Variants in SEMA6D observed in about 807,000 individuals in gnomAD.
SEMA6D encodes semaphorin 6D.
A neutral mutation model predicts 106.6 loss-of-function variants in SEMA6D; 35 were observed. That is an observed-to-expected ratio of 0.33 (90% confidence interval 0.25 to 0.44). The LOEUF is 0.44. Among genes scored for constraint, SEMA6D ranks in the 20% least tolerant of loss-of-function variants. The pLI is 1.00. For missense variants in SEMA6D, 1,185 were observed against 1,345.9 expected, an observed-to-expected ratio of 0.88 and a Z score of 1.87; for synonymous variants, 499 against 487.7, an observed-to-expected ratio of 1.02 and a Z score of -0.31.
chr15:47,665,490 TGGACAAAA>T (rs1194923181), intron 4 of SEMA6D, among the ~76,000 whole-genome samples: 4 of 152,202 alleles, frequency 2.6e-5, no homozygotes, highest in African/African-American at 9.6e-5. Flanking sequence ...AGACTTGGGC[TGGACAAAA>T]TACATTCAGT....
At chr15:47,721,748 CAT>C (rs1803927536) in intron 1 of SEMA6D, among the ~76,000 whole-genome samples, 1 of 152,198 alleles carries the variant, frequency 6.6e-6, no homozygotes, top group African/African-American at 2.4e-5. Context: ...ACAGATACCA[CAT>C]GAGGTGTACT....
intron 1 of SEMA6D, among the ~76,000 whole-genome samples, chr15:47,718,254 G>T (rs1421117817): frequency 6.6e-6 from 1 of 152,212 alleles, no homozygotes; most frequent in Non-Finnish European, 1.5e-5. Flanking sequence ...CAGAGCGGAC[G>T]CTGGGACGCC....
intron 3 of SEMA6D, among the ~76,000 whole-genome samples, chr15:47,592,704 A>C (rs1011096271): frequency 6.6e-6 from 1 of 152,212 alleles, no homozygotes; most frequent in Non-Finnish European, 1.5e-5. Flanking sequence ...GCCCTTCATG[A>C]AAATCATGAA....
intron 3 of SEMA6D, among the ~76,000 whole-genome samples, chr15:47,503,689 T>TCACACATA (rs2043937203): frequency 6.7e-6 from 1 of 148,594 alleles, no homozygotes; most frequent in South Asian, 2.2e-4. Context: ...TCTCTCTCTG[T>TCACACATA]CACACACACA....
At chr15:47,255,392 T>C (rs979346639) in intron 1 of SEMA6D, among the ~76,000 whole-genome samples, 1 of 152,066 alleles carries the variant, frequency 6.6e-6, no homozygotes, top group African/African-American at 2.4e-5. Flanking sequence ...AAAGAAAAAC[T>C]CTGTTTCATT....
At chr15:47,472,301 T>C (rs113618609) in intron 3 of SEMA6D, among the ~76,000 whole-genome samples, 2,372 of 152,306 alleles carry the variant, frequency 0.016, 46 homozygotes, top group African/African-American at 0.036. Flanking sequence ...TTTAAAACGG[T>C]TGCCCAGAAT....
intron 8 of SEMA6D, 150 bp from the exon 9 acceptor site, chr15:47,762,866 T>G: frequency 5.1e-6 from 3 of 582,592 alleles, no homozygotes; most frequent in Non-Finnish European, 6.0e-6. Flanking sequence ...AACACACCCA[T>G]ATTGGGACTC....
At chr15:47,571,368 G>A (rs1335932863) in intron 3 of SEMA6D, among the ~76,000 whole-genome samples, 2 of 152,212 alleles carry the variant, frequency 1.3e-5, no homozygotes, top group Non-Finnish European at 2.9e-5. Flanking sequence ...TCAAGTGGCT[G>A]CCATGGCCAT....
intron 1 of SEMA6D, among the ~76,000 whole-genome samples, chr15:47,234,555 A>AT (rs1409977915): frequency 1.3e-5 from 2 of 151,850 alleles, no homozygotes; most frequent in African/African-American, 4.8e-5. Flanking sequence ...ATGACTTTGC[A>AT]TACCCATAGC....
intron 4 of SEMA6D, among the ~76,000 whole-genome samples, chr15:47,610,706 A>C (rs1253101949): frequency 6.6e-6 from 1 of 152,188 alleles, no homozygotes; most frequent in African/African-American, 2.4e-5. Context: ...TCTTAATATA[A>C]GTAGCAATAC....
rs1228524674 is a variant in SEMA6D at position 47,768,724 on chromosome 15, G to T, written c.1909G>T (p.Asp637Tyr). The T allele has an allele frequency of 8.7e-6, 14 of 1,613,170 alleles. No homozygotes were observed. In the East Asian group the frequency reaches 3.1e-4, roughly 36 times the overall value. Reference sequence around the variant, plus strand: ...TGATCCAAACACTTCTGATTTTACTGATCCTTTATCGGGTATCCCAAAGGG... The same window carrying T: ...TGATCCAAACACTTCTGATTTTACTTATCCTTTATCGGGTATCCCAAAGGG... ...QDDPNTSDFT[D>Y]PLSGIPKGVR... Residue 637 changes from aspartate to tyrosine, a missense_variant, in exon 18 of 19, where the codon GAT becomes TAT. By Grantham distance (160) the Asp-to-Tyr change is radical. Around this residue, in one of 3 missense-constraint regions of SEMA6D, gnomAD observed 750 missense variants for 783.5 expected, o/e 0.96. Coordinates refer to ENST00000536845, the MANE Select transcript of SEMA6D (RefSeq NM_001358351.3).
In SEMA6D at chr15:47,329,952, G is replaced by A. The variant is rs572167240; in HGVS notation, c.-238-82441G>A. 2.0e-5 allele frequency among the ~76,000 whole-genome samples: 3 copies of A among 152,278 alleles called. No individual in the cohort carries two copies. In the East Asian group the frequency reaches 5.8e-4, roughly 29 times the overall value. On this transcript the variant is annotated intron_variant, in intron 1 of 19. Transcript: ENST00000558014. Reference sequence around the variant, plus strand: ...GTGATCAGCTTCCTGCCTCCAGGCTGCACACTTGGTAAGGTGACAGATTAA... The same window carrying A: ...GTGATCAGCTTCCTGCCTCCAGGCTACACACTTGGTAAGGTGACAGATTAA...
intron 1 of SEMA6D, among the ~76,000 whole-genome samples, chr15:47,350,504 C>T (rs770136402): frequency 1.2e-4 from 19 of 152,120 alleles, no homozygotes; most frequent in South Asian, 2.1e-4. Flanking sequence ...AAACCACAGA[C>T]GCTTCAGTCA....
intron 3 of SEMA6D, among the ~76,000 whole-genome samples, chr15:47,533,636 G>A (rs2142093343): frequency 6.6e-6 from 1 of 152,304 alleles, no homozygotes; most frequent in Admixed American, 6.5e-5. Flanking sequence ...CTGAGGGGGT[G>A]AATGATGGCT....
At chr15:47,646,876 A>T (rs1279436662) in intron 4 of SEMA6D, among the ~76,000 whole-genome samples, 1 of 152,198 alleles carries the variant, frequency 6.6e-6, no homozygotes, top group African/African-American at 2.4e-5. Flanking sequence ...ATTTCATGAA[A>T]GAACAAGATT....
intron 3 of SEMA6D, among the ~76,000 whole-genome samples, chr15:47,553,095 G>T (rs1275443220): frequency 6.7e-6 from 1 of 149,696 alleles, no homozygotes; most frequent in South Asian, 2.1e-4. Flanking sequence ...TTAGAGACAG[G>T]GTTTCACTAT....
intron 3 of SEMA6D, among the ~76,000 whole-genome samples, chr15:47,506,045 C>T (rs565201417): frequency 6.6e-6 from 1 of 152,248 alleles, no homozygotes; most frequent in South Asian, 2.1e-4. Context: ...AAAGTCAGGG[C>T]AGGAGAGCAG....
At chr15:47,604,359 G>A (rs996684021) in intron 4 of SEMA6D, among the ~76,000 whole-genome samples, 6 of 152,096 alleles carry the variant, frequency 3.9e-5, no homozygotes, top group South Asian at 4.1e-4. Context: ...CATCCGGTCC[G>A]ATAAACTTAA....
intron 1 of SEMA6D, among the ~76,000 whole-genome samples, chr15:47,303,063 AT>A (rs768600334): frequency 5.3e-5 from 8 of 152,178 alleles, no homozygotes; most frequent in Admixed American, 1.3e-4. Context: ...GAAGATTCTG[AT>A]TTAATTTGTC....
Sources: allele counts gnomAD v4.1 joint callset (sites outside exome capture counted in the v4.1 genomes callset), GRCh38; gene constraint gnomAD v4.1.1; regional missense constraint gnomAD v4.1.1; transcripts MANE v1.5; gene names NCBI Gene and HGNC (gene_info 2026-07-23, HGNC 2026-07-21).